The following RAPGEF2 variants were observed in gnomAD, a reference collection of about 807,000 sequenced individuals.
The protein encoded by RAPGEF2 is Rap guanine nucleotide exchange factor 2.
RAPGEF2 carries 54 observed loss-of-function variants against 186.7 expected under a neutral mutation model. The observed-to-expected ratio is 0.29, with a 90% CI of 0.23 to 0.36. RAPGEF2 has a LOEUF of 0.36. RAPGEF2 is among the 10% of genes least tolerant of loss of function. The pLI is 1.00. For missense variants in RAPGEF2, 1,532 were observed against 2,045.0 expected, an observed-to-expected ratio of 0.75 and a Z score of 4.84; for synonymous variants, 712 against 705.9, an observed-to-expected ratio of 1.01 and a Z score of -0.14.
intron 3 of RAPGEF2, among the ~76,000 whole-genome samples, chr4:159,197,942 C>T (rs1006229694): frequency 2.0e-5 from 3 of 152,186 alleles, no homozygotes; most frequent in Non-Finnish European, 2.9e-5. Flanking sequence ...TTTCTGTTCT[C>T]ATTTGTATCT....
intron 25 of RAPGEF2, among the ~76,000 whole-genome samples, chr4:159,347,512 C>T (rs1048655545): frequency 2.0e-5 from 3 of 152,238 alleles, no homozygotes; most frequent in Non-Finnish European, 4.4e-5. Flanking sequence ...CAGCCAGGCA[C>T]GGTGGCTCAC....
chr4:159,230,195 C>T (rs547653548), intron 4 of RAPGEF2, among the ~76,000 whole-genome samples: 10 of 152,278 alleles, frequency 6.6e-5, no homozygotes, highest in African/African-American at 2.2e-4. Context: ...CCACCTTTTC[C>T]TACTTTATGG....
chr4:159,261,307 C>T (rs539350757), intron 7 of RAPGEF2, among the ~76,000 whole-genome samples: 112 of 150,170 alleles, frequency 7.5e-4, no homozygotes, highest in Non-Finnish European at 1.4e-3. Flanking sequence ...TGTGATTCGC[C>T]CACCTTGACC....
intron 16 of RAPGEF2, 55 bp from the exon 17 acceptor site, chr4:159,332,396 G>A: frequency 6.5e-7 from 1 of 1,548,522 alleles, no homozygotes; most frequent in Non-Finnish European, 8.8e-7. Flanking sequence ...CCTTAGAATT[G>A]TTCAGATATC....
intron 11 of RAPGEF2, among the ~76,000 whole-genome samples, chr4:159,325,588 AG>A (rs2111172516): frequency 7.6e-6 from 1 of 132,218 alleles, no homozygotes; most frequent in African/African-American, 2.7e-5. Flanking sequence ...TTGACGAGCA[AG>A]TAAAAGTTTG....
rs770939776 is a variant in RAPGEF2 at position 159,304,490 on chromosome 4, C to T, written c.675+17C>T. ...ATCTACCAGGTAAGAGGATGTTTTC[C>T]TTGTCATTTGCTTCATTTTCATTTA... On this transcript the variant is annotated intron_variant, in intron 8 of 29. Transcript: ENST00000691494. 1.9e-6 allele frequency: 3 copies of T among 1,586,044 alleles called. No homozygotes were observed. The highest frequency in any genetic ancestry group is 2.6e-6 in the Non-Finnish European group (3 of 1,160,096).
chr4:159,257,487 A>C (rs963220203), intron 7 of RAPGEF2, among the ~76,000 whole-genome samples: 7 of 152,198 alleles, frequency 4.6e-5, no homozygotes, highest in African/African-American at 1.4e-4. Context: ...ATCGTCTCCT[A>C]CCAAGTCCCT....
chr4:159,226,896 A>T (rs1462599324), intron 4 of RAPGEF2, among the ~76,000 whole-genome samples: 1 of 152,204 alleles, frequency 6.6e-6, no homozygotes, highest in Non-Finnish European at 1.5e-5. Context: ...AGATGAATTA[A>T]ATCAATTGCC....
intron 26 of RAPGEF2, chr4:159,351,153 T>A: frequency 6.5e-7 from 1 of 1,535,476 alleles, no homozygotes; most frequent in South Asian, 1.2e-5. Flanking sequence ...GTAACAAGAA[T>A]AACAATGCAC....
rs148220043 is a variant in RAPGEF2, at chr4:159,128,285, C to G, written c.69+24054C>G. Among the ~76,000 whole-genome samples the G allele has an allele frequency of 1.4e-4, 22 of 152,168 alleles. No homozygotes were observed. In the East Asian group the frequency reaches 2.9e-3, roughly 20 times the overall value. Reference sequence around the variant, plus strand: ...TGGAAGAGAGGGACTGATGTTGTATCCAGTTACTCTCCACGTGACCCTGGA... The same window carrying G: ...TGGAAGAGAGGGACTGATGTTGTATGCAGTTACTCTCCACGTGACCCTGGA... On this transcript the variant is annotated intron_variant, in intron 1 of 29. Transcript: ENST00000691494.
At chr4:159,178,451 A>G (rs1261677161) in intron 1 of RAPGEF2, among the ~76,000 whole-genome samples, 1 of 151,984 alleles carries the variant, frequency 6.6e-6, no homozygotes, top group Non-Finnish European at 1.5e-5. Context: ...TTTGCTATGA[A>G]GCCCGTTATA....
At chr4:159,196,018 G>C (rs1220649179) in intron 3 of RAPGEF2, among the ~76,000 whole-genome samples, 1 of 151,066 alleles carries the variant, frequency 6.6e-6, no homozygotes. Context: ...GTTGATTGTA[G>C]CACCTGCCCG....
intron 26 of RAPGEF2, chr4:159,351,304 T>TC (rs1731143480): frequency 9.4e-7 from 1 of 1,062,910 alleles, no homozygotes; most frequent in African/African-American, 1.6e-5. Context: ...TTCTGAAACT[T>TC]TTTTTTTTTT....
At chr4:159,292,418 A>C (rs76582247) in intron 7 of RAPGEF2, among the ~76,000 whole-genome samples, 4,408 of 152,246 alleles carry the variant, frequency 0.029, 94 homozygotes, top group Non-Finnish European at 0.042. Context: ...TAAGCAGGGA[A>C]ACCTTTCACA....
chr4:159,305,141 A>G (rs1208900633), intron 8 of RAPGEF2, among the ~76,000 whole-genome samples: 2 of 152,220 alleles, frequency 1.3e-5, no homozygotes, highest in East Asian at 1.9e-4. Context: ...CAATAAACAT[A>G]CAGGTGCAGG....
intron 1 of RAPGEF2, among the ~76,000 whole-genome samples, chr4:159,127,611 C>T (rs73860442): frequency 0.021 from 3,163 of 152,252 alleles, 116 homozygotes; most frequent in African/African-American, 0.07. Flanking sequence ...CATTTTTAAA[C>T]TGCAGAATTC....
chr4:159,154,255 T>G (rs1743873038), intron 1 of RAPGEF2, among the ~76,000 whole-genome samples: 1 of 152,196 alleles, frequency 6.6e-6, no homozygotes, highest in African/African-American at 2.4e-5. Context: ...GCAAGTAGAA[T>G]TCAGTATGTT....
At chr4:159,339,658 T>C (rs993471533) in intron 19 of RAPGEF2, among the ~76,000 whole-genome samples, 1 of 152,154 alleles carries the variant, frequency 6.6e-6, no homozygotes, top group Non-Finnish European at 1.5e-5. Flanking sequence ...GGGTCCTGGT[T>C]TGGAAGGGTA....
chr4:159,225,076 G>A (rs1449993708), intron 4 of RAPGEF2, among the ~76,000 whole-genome samples: 2 of 152,180 alleles, frequency 1.3e-5, no homozygotes, highest in African/African-American at 2.4e-5. Context: ...ATAGGTGGGA[G>A]CTACAGGGGA....
Sources: allele counts gnomAD v4.1 joint callset (sites outside exome capture counted in the v4.1 genomes callset), GRCh38; gene constraint gnomAD v4.1.1; transcripts MANE v1.5; gene names NCBI Gene and HGNC (gene_info 2026-07-23, HGNC 2026-07-21).